Variants in DLGAP2 observed in about 807,000 individuals in gnomAD.
The protein encoded by DLGAP2 is disks large-associated protein 2.
DLGAP2 carries 26 observed loss-of-function variants against 100.3 expected under a neutral mutation model. That is an observed-to-expected ratio of 0.26 (90% confidence interval 0.19 to 0.36). DLGAP2 has a LOEUF of 0.36. DLGAP2 is among the 10% of genes least tolerant of loss of function. The pLI, the probability that DLGAP2 is intolerant of heterozygous loss-of-function variation, is 1.00. For missense variants in DLGAP2, 1,858 were observed against 1,453.2 expected (o/e 1.28, Z -4.53); for synonymous variants, 886 against 630.1 (o/e 1.41, Z -6.08).
intron 2 of DLGAP2, among the ~76,000 whole-genome samples, chr8:1,113,990 G>A (rs4735840): frequency 0.022 from 3,377 of 152,290 alleles, 60 homozygotes; most frequent in Middle Eastern, 0.044. Flanking sequence ...TTTATGTGAT[G>A]AATCACATTG....
intron 2 of DLGAP2, among the ~76,000 whole-genome samples, chr8:1,205,250 T>C (rs1365167574): frequency 6.6e-6 from 1 of 152,166 alleles, no homozygotes; most frequent in African/African-American, 2.4e-5. Context: ...AGTAAAGTGA[T>C]AGTTTTATAG....
intron 8 of DLGAP2, among the ~76,000 whole-genome samples, chr8:1,663,855 C>T (rs1798476797): frequency 6.6e-6 from 1 of 152,134 alleles, no homozygotes; most frequent in Non-Finnish European, 1.5e-5. Context: ...TGGTCATTTG[C>T]TGTTTCTGCC....
chr8:1,136,938 A>G (rs11136349), intron 2 of DLGAP2, among the ~76,000 whole-genome samples: 135,001 of 152,266 alleles, frequency 0.89, 59,947 homozygotes, highest in Middle Eastern at 0.92. Flanking sequence ...TGCTGCTTCA[A>G]CTTGTGTGTA....
chr8:1,354,430 T>A (rs1223018041), intron 3 of DLGAP2, among the ~76,000 whole-genome samples: 1 of 152,172 alleles, frequency 6.6e-6, no homozygotes, highest in Non-Finnish European at 1.5e-5. Flanking sequence ...CCAGAATCAC[T>A]TGAACTCGGG....
chr8:993,494 T>C (rs11777766), intron 2 of DLGAP2, among the ~76,000 whole-genome samples: 5,946 of 9,028 alleles, frequency 0.66, 2,270 homozygotes, highest in African/African-American at 0.75. Flanking sequence ...CCTCCTTGCC[T>C]GGACCCCCTG....
chr8:1,231,966 A>C (rs936894736), intron 2 of DLGAP2, among the ~76,000 whole-genome samples: 4 of 152,254 alleles, frequency 2.6e-5, no homozygotes, highest in Non-Finnish European at 2.9e-5. Context: ...AAGTTGAAAA[A>C]ATTAAAAAAT....
At chr8:865,096 G>A (rs529545323) in intron 1 of DLGAP2, among the ~76,000 whole-genome samples, 5 of 152,298 alleles carry the variant, frequency 3.3e-5, no homozygotes, top group African/African-American at 1.2e-4. Flanking sequence ...CATGGCCGCT[G>A]TCCCTGTAGG....
intron 2 of DLGAP2, among the ~76,000 whole-genome samples, chr8:1,125,080 A>G (rs923727306): frequency 4.6e-5 from 7 of 152,196 alleles, no homozygotes; most frequent in South Asian, 4.1e-4. Flanking sequence ...ATGTCTTTGC[A>G]TTCCATAAGA....
At chr8:1,239,589 TAC>T (rs1191610604) in intron 2 of DLGAP2, among the ~76,000 whole-genome samples, 25 of 100,706 alleles carry the variant, frequency 2.5e-4, no homozygotes, top group Non-Finnish European at 3.7e-4. Flanking sequence ...CGTGTCTAGT[TAC>T]CTATCACATG....
chr8:1,243,996 A>G (rs1417316698), intron 2 of DLGAP2, among the ~76,000 whole-genome samples: 1 of 151,980 alleles, frequency 6.6e-6, no homozygotes, highest in Non-Finnish European at 1.5e-5. Context: ...GGTGAGTGCC[A>G]GCTCCCAGCC....
At chr8:1,164,047 C>A (rs961004645) in intron 2 of DLGAP2, among the ~76,000 whole-genome samples, 11 of 152,062 alleles carry the variant, frequency 7.2e-5, no homozygotes, top group African/African-American at 2.7e-4. Flanking sequence ...TAGTGAGACT[C>A]GGTCCTTAAG....
chr8:1,509,697 T>C (rs554093395), intron 4 of DLGAP2, among the ~76,000 whole-genome samples: 1 of 152,300 alleles, frequency 6.6e-6, no homozygotes, highest in South Asian at 2.1e-4. Context: ...TCTTTGTTTG[T>C]TAACAAAAAG....
chr8:863,439 G>C (rs1165947451), intron 1 of DLGAP2, among the ~76,000 whole-genome samples: 2 of 152,220 alleles, frequency 1.3e-5, no homozygotes, highest in Admixed American at 6.5e-5. Flanking sequence ...TGTGTAAACA[G>C]ATACAGCACC....
chr8:1,366,277 T>C (rs1802106532), intron 3 of DLGAP2, among the ~76,000 whole-genome samples: 1 of 152,272 alleles, frequency 6.6e-6, no homozygotes, highest in African/African-American at 2.4e-5. Flanking sequence ...CCATTTGTAC[T>C]ATAGCCAGTG....
At chr8:1,563,861 G>C (rs1802281935) in intron 5 of DLGAP2, among the ~76,000 whole-genome samples, 1 of 152,142 alleles carries the variant, frequency 6.6e-6, no homozygotes, top group African/African-American at 2.4e-5. Flanking sequence ...AGGCAATATG[G>C]ACACTGGAAA....
At chr8:1,547,756 C>T (rs141162212) in intron 4 of DLGAP2, among the ~76,000 whole-genome samples, 6 of 152,242 alleles carry the variant, frequency 3.9e-5, no homozygotes, top group African/African-American at 1.2e-4. Context: ...CATCACAGGC[C>T]GCAGAAGGAC....
intron 3 of DLGAP2, among the ~76,000 whole-genome samples, chr8:1,418,574 C>G (rs113669415): frequency 0.015 from 2,229 of 152,284 alleles, 60 homozygotes; most frequent in African/African-American, 0.05. Context: ...TGCATTCACA[C>G]GACACTCCAC....
chr8:1,638,393 C>T (rs35459401), intron 8 of DLGAP2, among the ~76,000 whole-genome samples: 53,810 of 151,910 alleles, frequency 0.35, 12,138 homozygotes, highest in African/African-American at 0.65. Flanking sequence ...GGCATGTGCA[C>T]ACCCAGGAGA....
chr8:1,197,960 C>G (rs144401525), intron 2 of DLGAP2, among the ~76,000 whole-genome samples: 3 of 152,300 alleles, frequency 2.0e-5, no homozygotes, highest in Non-Finnish European at 4.4e-5. Flanking sequence ...TGTCCTCACC[C>G]TTGCACACCC....
Sources: allele counts gnomAD v4.1 joint callset (sites outside exome capture counted in the v4.1 genomes callset), GRCh38; gene constraint gnomAD v4.1.1; transcripts MANE v1.5; gene names NCBI Gene and HGNC (gene_info 2026-07-23, HGNC 2026-07-21).